UNC13A: variants seen among roughly 807,000 people sequenced by gnomAD.
The protein encoded by UNC13A is unc-13 homolog A.
In UNC13A, 61 loss-of-function variants were observed where a neutral mutation model predicts 219.7. The ratio of observed to expected loss-of-function variants is 0.28; its 90% CI spans 0.23 to 0.34. The LOEUF (loss-of-function observed/expected upper bound fraction) is 0.34. UNC13A is among the 10% of genes least tolerant of loss of function. The pLI is 1.00. For synonymous variants in UNC13A, 920 were observed against 884.6 expected, an observed-to-expected ratio of 1.04 and a Z score of -0.71; for missense variants, 1,476 against 2,270.3, an observed-to-expected ratio of 0.65 and a Z score of 7.11.
At chr19:17,665,309 T>G (rs547548443) in intron 7 of UNC13A, among the ~76,000 whole-genome samples, 4 of 152,160 alleles carry the variant, frequency 2.6e-5, no homozygotes, top group Non-Finnish European at 5.9e-5. Context: ...GCCCTGAGGC[T>G]ATATGATTTG....
intron 35 of UNC13A, among the ~76,000 whole-genome samples, chr19:17,623,966 T>A (rs2144975218): frequency 6.6e-6 from 1 of 152,136 alleles, no homozygotes; most frequent in South Asian, 2.1e-4. Context: ...CTGCTTGACC[T>A]CTCTGACCTT....
At chr19:17,606,507 A>C (rs370636779) in intron 43 of UNC13A, among the ~76,000 whole-genome samples, 153 bp from the exon 44 acceptor site, 16 of 151,664 alleles carry the variant, frequency 1.1e-4, no homozygotes, top group African/African-American at 3.9e-4. Context: ...CTGCCCCGTT[A>C]CTTGACCTAC....
intron 34 of UNC13A, 62 bp downstream of exon 34, chr19:17,626,571 G>T: frequency 1.4e-6 from 2 of 1,453,942 alleles, no homozygotes; most frequent in Non-Finnish European, 9.1e-7. Flanking sequence ...GCCAGTCCCT[G>T]GGTCTCTATG....
At chr19:17,684,870 T>G (rs1158724592) in intron 1 of UNC13A, among the ~76,000 whole-genome samples, 1 of 152,210 alleles carries the variant, frequency 6.6e-6, no homozygotes, top group African/African-American at 2.4e-5. Context: ...CACACTGGTG[T>G]GTGTGAGCTT....
At chr19:17,632,260 G>T (rs940307794) in intron 28 of UNC13A, among the ~76,000 whole-genome samples, 10 of 152,138 alleles carry the variant, frequency 6.6e-5, no homozygotes, top group African/African-American at 2.4e-4. Flanking sequence ...GGCTATGCTG[G>T]TCTCGAACTC....
intron 12 of UNC13A, among the ~76,000 whole-genome samples, chr19:17,650,312 G>A (rs968487798): frequency 6.6e-6 from 1 of 151,932 alleles, no homozygotes; most frequent in South Asian, 2.1e-4. Context: ...TTAGGAGTTC[G>A]AGACCAGCCT....
In UNC13A at chr19:17,604,071, C is replaced by T. The variant is rs1568492486; in HGVS notation, c.*1983G>A. The T allele has an allele frequency of 6.6e-6, 1 of 152,170 alleles. No homozygotes were observed. The highest frequency in any genetic ancestry group is 2.4e-5 in the African/African-American group (1 of 41,404). 9.4% of individuals were successfully genotyped at this position (152,170 alleles called of 1,614,324 possible). On this transcript the variant is annotated 3_prime_UTR_variant, in exon 44 of 44. Coordinates refer to ENST00000519716, the MANE Select transcript of UNC13A (RefSeq NM_001080421.3). ...AAGTGATCTGCCAGCCTCGGTCTCC[C>T]CAAATGCTGGGATTATAGTCATGTC...
At chr19:17,622,543 A>G (rs2076739269) in intron 36 of UNC13A, 1 of 153,078 alleles carries the variant, frequency 6.5e-6, no homozygotes, top group Non-Finnish European at 1.5e-5. Flanking sequence ...CCAGGAAGTA[A>G]GAGCCCTTGT....
At chr19:17,647,663 C>T (rs1378776926) in intron 16 of UNC13A, among the ~76,000 whole-genome samples, 171 bp from the exon 17 acceptor site, 1 of 151,904 alleles carries the variant, frequency 6.6e-6, no homozygotes. Context: ...ACCCTTCCAC[C>T]TCCTCTCGGA....
At chr19:17,669,520 G>A in intron 5 of UNC13A, 33 bp downstream of exon 5, 1 of 1,607,506 alleles carries the variant, frequency 6.2e-7, no homozygotes. Context: ...CTGGGGCTGG[G>A]GCTGGGTGAA....
intron 12 of UNC13A, among the ~76,000 whole-genome samples, chr19:17,652,334 G>C (rs1301132726): frequency 1.3e-5 from 2 of 152,096 alleles, no homozygotes; most frequent in Non-Finnish European, 2.9e-5. Context: ...GTTTCACCAT[G>C]TTGGCCAGGC....
rs1568518420 is a variant in UNC13A at position 17,639,224 on chromosome 19, GGAGGGAGA to G, written c.2947-15_2947-8del. On this transcript the variant is annotated splice_polypyrimidine_tract_variant and splice_region_variant and intron_variant, in intron 24 of 43. Transcript: ENST00000519716. ...GGCTCTGGAGTTCTTGTACCTGAAG[GGAGGGAGA>G]GAGGCATAGGCGGCCACAGCTGTGA... 1.2e-6 allele frequency: 2 copies of G among 1,613,852 alleles called. No individual in the cohort carries two copies. Among genetic ancestry groups the G allele is most frequent in the Non-Finnish European group, 1.7e-6 (2 of 1,179,850 alleles).
chr19:17,623,028 G>C (rs2076745201), intron 36 of UNC13A: 1 of 153,800 alleles, frequency 6.5e-6, no homozygotes, highest in African/African-American at 2.4e-5. Context: ...GATGGCGGGA[G>C]TTGGGTAGAC....
chr19:17,620,758 T>A, intron 37 of UNC13A, 36 bp from the exon 38 acceptor site: 1 of 1,611,402 alleles, frequency 6.2e-7, no homozygotes, highest in Non-Finnish European at 8.5e-7. Flanking sequence ...AGAGTTCTGG[T>A]GACTGTTGGG....
intron 26 of UNC13A, among the ~76,000 whole-genome samples, chr19:17,633,832 C>T (rs2145015562): frequency 6.6e-6 from 1 of 151,558 alleles, no homozygotes; most frequent in Admixed American, 6.6e-5. Context: ...TATCCCTCTA[C>T]CCATTCATCC....
At chr19:17,632,124 C>G (rs4627495) in intron 28 of UNC13A, among the ~76,000 whole-genome samples, 2 of 152,004 alleles carry the variant, frequency 1.3e-5, no homozygotes, top group African/African-American at 4.8e-5. Context: ...TTGGCCAGGC[C>G]GGTCTCAAAC....
At position 17,640,595 on chromosome 19, in the gene UNC13A, G is replaced by A. The variant is rs372635194; in HGVS notation, c.2703C>T (p.Leu901=). 1.0e-4 allele frequency: 165 copies of A among 1,582,196 alleles called. 1 individual carries two copies. The East Asian group carries it at 2.8e-3, about 27-fold the overall frequency. The change falls in exon 22 of 44, where the codon CTC becomes CTT. Residue 901 remains leucine (L), a synonymous_variant. Transcript: ENST00000519716. ...PGVPAVMSTL[L]ANINAYYAHT... is the part of the protein sequence containing the mutation. The stretch of plus-strand genomic sequence containing the variant: ...GTGCGTAGTAGGCATTGATGTTGGC[G>A]AGCAGGGTGCTCATGACGGCAGGCA...
chr19:17,663,741 C>T (rs1195896085), intron 7 of UNC13A, among the ~76,000 whole-genome samples, 174 bp from the exon 8 acceptor site: 4 of 152,080 alleles, frequency 2.6e-5, no homozygotes, highest in Admixed American at 6.6e-5. Context: ...TGCTGTGTCT[C>T]TGCTCTCCAC....
intron 22 of UNC13A, 78 bp from the exon 23 acceptor site, chr19:17,639,986 T>G: frequency 7.3e-7 from 1 of 1,368,466 alleles, no homozygotes; most frequent in Admixed American, 1.7e-5. Flanking sequence ...TACTGTACAG[T>G]AAGTATACCT....
Sources: allele counts gnomAD v4.1 joint callset (sites outside exome capture counted in the v4.1 genomes callset), GRCh38; gene constraint gnomAD v4.1.1; transcripts MANE v1.5; gene names NCBI Gene and HGNC (gene_info 2026-07-23, HGNC 2026-07-21).